NEMP2: variants seen among roughly 807,000 people sequenced by gnomAD.
The protein encoded by NEMP2 is UPF0571 transmembrane protein.
A neutral mutation model predicts 54.2 loss-of-function variants in NEMP2; 53 were observed. The ratio of observed to expected loss-of-function variants is 0.98; its 90% confidence interval spans 0.78 to 1.23. NEMP2 has a LOEUF of 1.23. NEMP2 is among the 50% of genes most tolerant of loss of function. NEMP2 has a pLI of 0.00. For missense variants in NEMP2, 455 were observed against 511.3 expected (o/e 0.89, Z 1.06); for synonymous variants, 197 against 190.3 (o/e 1.04, Z -0.29).
chr2:190,590,008 A>G, the NEMP2 span, among the ~76,000 whole-genome samples: 7 of 152,318 alleles, frequency 4.6e-5, no homozygotes, highest in African/African-American at 1.7e-4. This position sits in a 1 kb window ranked among gnomAD's most constrained non-coding sequence, Gnocchi z 5.1. Context: ...CCAGATTGCC[A>G]TCATTGCTGC....
the NEMP2 span, chr2:190,489,899 A>G: frequency 6.3e-7 from 1 of 1,583,636 alleles, no homozygotes; most frequent in Non-Finnish European, 8.6e-7. This position sits in a 1 kb window ranked among gnomAD's most constrained non-coding sequence, Gnocchi z 6.6. Flanking sequence ...AATATTCCTA[A>G]CAGTTCAGGC....
chr2:190,636,685 A>G, the NEMP2 span, among the ~76,000 whole-genome samples: 1 of 152,248 alleles, frequency 6.6e-6, no homozygotes, highest in Non-Finnish European at 1.5e-5. Context: ...TCTCAAATTC[A>G]GCTACTAAAG....
At chr2:190,501,146 G>A (rs931196390), downstream of NEMP2, 1 of 152,166 alleles carries the variant, frequency 6.6e-6, no homozygotes, top group Non-Finnish European at 1.5e-5. Context: ...TAAATAAGCA[G>A]TACTAGTTAC....
rs1434844929 is a variant in NEMP2 at position 190,523,677 on chromosome 2, G to C, written c.213+1586C>G. On this transcript the variant is annotated intron_variant, in intron 2 of 8. Transcript: ENST00000409150. The surrounding 1 kb of genome is among the most constrained non-coding windows in gnomAD (Gnocchi z 5.3). Reference sequence around the variant, plus strand: ...CACGCCTAGAACATCTTGTTTGTTAGAAAGTAAAGTAGTGCTCAAAAATGC... The same window carrying C: ...CACGCCTAGAACATCTTGTTTGTTACAAAGTAAAGTAGTGCTCAAAAATGC... 6.6e-6 allele frequency among the ~76,000 whole-genome samples: 1 copy of C among 152,212 alleles called. No individual in the cohort carries two copies. The highest frequency in any genetic ancestry group is 1.5e-5 in the Non-Finnish European group (1 of 68,040).
At chr2:190,481,075 T>C in the NEMP2 span, among the ~76,000 whole-genome samples, 1 of 152,186 alleles carries the variant, frequency 6.6e-6, no homozygotes, top group African/African-American at 2.4e-5. Flanking sequence ...GAAATCTTTA[T>C]TGGCTGATAG....
the NEMP2 span, among the ~76,000 whole-genome samples, chr2:190,644,978 G>A: frequency 7.9e-5 from 12 of 152,110 alleles, no homozygotes; most frequent in Admixed American, 6.5e-4. This position sits in a 1 kb window ranked among gnomAD's most constrained non-coding sequence, Gnocchi z 4.4. Context: ...TGATTTGGCT[G>A]TATACTGTGA....
the NEMP2 span, among the ~76,000 whole-genome samples, chr2:190,644,320 C>T: frequency 1.3e-5 from 2 of 152,220 alleles, no homozygotes; most frequent in East Asian, 1.9e-4. The surrounding 1 kb of genome is among the most constrained non-coding windows in gnomAD (Gnocchi z 4.4). Context: ...TGCCAACGTG[C>T]ATCTTCCATC....
At chr2:190,587,755 T>C in the NEMP2 span, among the ~76,000 whole-genome samples, 1 of 152,256 alleles carries the variant, frequency 6.6e-6, no homozygotes, top group African/African-American at 2.4e-5. The surrounding 1 kb of genome is among the most constrained non-coding windows in gnomAD (Gnocchi z 5.4). Context: ...GAGAAGGTAA[T>C]TGTAGGAACT....
the NEMP2 span, among the ~76,000 whole-genome samples, chr2:190,541,469 C>G: frequency 2.6e-5 from 4 of 151,998 alleles, no homozygotes; most frequent in Non-Finnish European, 5.9e-5. The surrounding 1 kb of genome is among the most constrained non-coding windows in gnomAD (Gnocchi z 5.2). Context: ...ACATTTCTTT[C>G]TTAATTTCTT....
At chr2:190,615,719 CA>C in the NEMP2 span, among the ~76,000 whole-genome samples, 1 of 152,168 alleles carries the variant, frequency 6.6e-6, no homozygotes, top group South Asian at 2.1e-4. This position sits in a 1 kb window ranked among gnomAD's most constrained non-coding sequence, Gnocchi z 4.7. Flanking sequence ...GCTAGCATCC[CA>C]AAGCTTTCCA....
the NEMP2 span, among the ~76,000 whole-genome samples, chr2:190,602,742 C>T: frequency 6.6e-6 from 1 of 152,078 alleles, no homozygotes; most frequent in Non-Finnish European, 1.5e-5. Context: ...CTGGCTGGGG[C>T]AGAGAATGGG....
chr2:190,437,606 A>T, the NEMP2 span: 6 of 1,571,606 alleles, frequency 3.8e-6, no homozygotes, highest in Non-Finnish European at 4.3e-6. The surrounding 1 kb of genome is among the most constrained non-coding windows in gnomAD (Gnocchi z 5.9). Context: ...ATTGAACTTT[A>T]TCTTTTTATG....
At chr2:190,572,838 T>TC in the NEMP2 span, among the ~76,000 whole-genome samples, 59 of 69,092 alleles carry the variant, frequency 8.5e-4, 1 homozygote, top group African/African-American at 3.5e-3. Flanking sequence ...CATGAGTATA[T>TC]ATATATATAT....
upstream of NEMP2, chr2:190,534,912 C>CGGCCTCGGCCTCGGCCTTGGCCTCCG (rs1691318435): frequency 3.0e-6 from 1 of 333,370 alleles, no homozygotes. Flanking sequence ...CTCCCGGCCT[C>CGGCCTCGGCCTCGGCCTTGGCCTCCG]GGCCTCGGCC....
chr2:190,630,609 A>C, the NEMP2 span, among the ~76,000 whole-genome samples: 1 of 152,040 alleles, frequency 6.6e-6, no homozygotes, highest in Admixed American at 6.6e-5. This position sits in a 1 kb window ranked among gnomAD's most constrained non-coding sequence, Gnocchi z 5.5. Context: ...AAATCCTTAA[A>C]TCTTTTTTTT....
the NEMP2 span, among the ~76,000 whole-genome samples, chr2:190,555,484 G>A: frequency 6.6e-6 from 1 of 151,932 alleles, no homozygotes; most frequent in Non-Finnish European, 1.5e-5. This position sits in a 1 kb window ranked among gnomAD's most constrained non-coding sequence, Gnocchi z 4.8. Flanking sequence ...CAAATGACCT[G>A]ATGGAGCTGA....
chr2:190,512,039 T>G lies in NEMP2; in HGVS notation c.954-1502A>C, dbSNP rs1443560506. On this transcript the variant is annotated intron_variant, in intron 7 of 8. Transcript: ENST00000409150. This position sits in a 1 kb window ranked among gnomAD's most constrained non-coding sequence, Gnocchi z 4.5. ...TGATAAATCTATTATCTTTTAAAGATCTTATAGTTGATGAGCTAGATCAAG... is the reference window on the plus strand; with the variant it reads ...TGATAAATCTATTATCTTTTAAAGAGCTTATAGTTGATGAGCTAGATCAAG... Among the ~76,000 whole-genome samples, 1 of 151,754 alleles carries G rather than the reference T, an allele frequency of 6.6e-6. No individual in the cohort carries two copies. Among genetic ancestry groups the G allele is most frequent in the Non-Finnish European group, 1.5e-5 (1 of 67,930 alleles).
intron 6 of NEMP2, among the ~76,000 whole-genome samples, chr2:190,515,083 C>T (rs999596004): frequency 1.3e-5 from 2 of 152,122 alleles, no homozygotes; most frequent in African/African-American, 4.8e-5. Flanking sequence ...GGGAGTCACC[C>T]TCTGAATCCA....
the NEMP2 span, among the ~76,000 whole-genome samples, chr2:190,475,906 C>T: frequency 6.6e-6 from 1 of 152,000 alleles, no homozygotes; most frequent in African/African-American, 2.4e-5. Context: ...GAAATAATGC[C>T]ACATATCTAC....
Sources: gnomAD v4.1 joint callset for allele counts (sites outside exome capture counted in the v4.1 genomes callset) on GRCh38, gnomAD v4.1.1 for gene constraint, Gnocchi (gnomAD v3.1) non-coding constraint, MANE v1.5 for transcripts, NCBI Gene and HGNC (gene_info 2026-07-23, HGNC 2026-07-21) for gene names.